The following TPTE2 variants were observed in gnomAD, a reference collection of about 807,000 sequenced individuals.
The protein encoded by TPTE2 is transmembrane phosphoinositide 3-phosphatase and tensin homolog 2.
In TPTE2, 53 loss-of-function variants were observed where a neutral mutation model predicts 78.6. That is an observed-to-expected ratio of 0.67 (90% CI 0.54 to 0.85). TPTE2 has a LOEUF of 0.85. Among genes scored for constraint, TPTE2 ranks in the 40% least tolerant of loss-of-function variants. The probability of loss-of-function intolerance (pLI) is 0.00; values close to 1 mark genes in which losing one functional copy is unlikely to be tolerated. For synonymous variants in TPTE2, 175 were observed against 206.2 expected (o/e 0.85, Z 1.30); for missense variants, 461 against 623.0 (o/e 0.74, Z 2.77).
intron 1 of TPTE2, among the ~76,000 whole-genome samples, chr13:19,513,690 G>T (rs1238904526): frequency 1.3e-5 from 2 of 152,128 alleles, no homozygotes; most frequent in African/African-American, 4.8e-5. Context: ...TCTCTGGAAA[G>T]AAGTCTTTAT....
intron 1 of TPTE2, among the ~76,000 whole-genome samples, chr13:19,496,778 C>A (rs1023203827): frequency 6.6e-6 from 1 of 152,122 alleles, no homozygotes; most frequent in Non-Finnish European, 1.5e-5. Flanking sequence ...TAAGAAGCTG[C>A]GAAATCTCGG....
chr13:19,514,245 C>T (rs1004058890), intron 1 of TPTE2, among the ~76,000 whole-genome samples: 17 of 152,146 alleles, frequency 1.1e-4, no homozygotes, highest in African/African-American at 3.9e-4. Flanking sequence ...CCTCTTCTGA[C>T]CTGATCTTAT....
chr13:19,538,524 T>G (rs1040755214), upstream of TPTE2, among the ~76,000 whole-genome samples: 5 of 150,950 alleles, frequency 3.3e-5, no homozygotes, highest in Admixed American at 2.6e-4. Context: ...CCAGCCTTTT[T>G]TTTTCTTTTT....
intron 1 of TPTE2, among the ~76,000 whole-genome samples, chr13:19,527,554 G>A (rs1297118836): frequency 6.6e-6 from 1 of 152,110 alleles, no homozygotes; most frequent in Non-Finnish European, 1.5e-5. Flanking sequence ...TTGAAAACAT[G>A]CTACATGAGA....
intron 13 of TPTE2, among the ~76,000 whole-genome samples, chr13:19,443,391 T>C (rs572085089): frequency 1.4e-3 from 131 of 92,418 alleles, no homozygotes; most frequent in Non-Finnish European, 2.4e-3. Context: ...TTTTCTTTCT[T>C]TCTTTCTTTT....
At chr13:19,465,537 T>C (rs1422279925) in exon 8 of TPTE2, 1 of 1,603,318 alleles carries the variant, frequency 6.2e-7, no homozygotes. Context: ...GAATAATAAG[T>C]CGTAGAAGTC....
chr13:19,478,774 T>C (rs1234697965), intron 4 of TPTE2, among the ~76,000 whole-genome samples: 2 of 151,998 alleles, frequency 1.3e-5, no homozygotes, highest in Non-Finnish European at 2.9e-5. Context: ...TGTCCAACAA[T>C]GATAGACTGG....
intron 10 of TPTE2, among the ~76,000 whole-genome samples, chr13:19,453,997 G>A (rs1282414245): frequency 2.0e-5 from 3 of 152,110 alleles, no homozygotes; most frequent in Non-Finnish European, 2.9e-5. Context: ...TCTTCTCTCT[G>A]CCTATCTTAG....
At chr13:19,482,212 TA>T (rs368588510) in intron 4 of TPTE2, among the ~76,000 whole-genome samples, 12 of 151,598 alleles carry the variant, frequency 7.9e-5, no homozygotes, top group African/African-American at 2.4e-4. Context: ...TCCTGTTTTT[TA>T]AAAAAAAACT....
intron 14 of TPTE2, among the ~76,000 whole-genome samples, chr13:19,436,708 G>GC (rs762856494): frequency 2.2e-4 from 34 of 152,122 alleles, no homozygotes; most frequent in Non-Finnish European, 4.9e-4. Flanking sequence ...AGCCACCCAT[G>GC]CCCGGCCACA....
chr13:19,503,615 T>A (rs1301931620), upstream of TPTE2, among the ~76,000 whole-genome samples: 2 of 152,208 alleles, frequency 1.3e-5, no homozygotes, highest in African/African-American at 4.8e-5. Context: ...TTCCACTAAA[T>A]GTGCTGCCTT....
At chr13:19,456,040 T>G (rs538710401) in intron 10 of TPTE2, among the ~76,000 whole-genome samples, 16 of 152,162 alleles carry the variant, frequency 1.1e-4, no homozygotes, top group African/African-American at 3.9e-4. Flanking sequence ...TCCTAGATAA[T>G]TCAATAAAGA....
At chr13:19,431,453 T>C (rs531315336) in intron 16 of TPTE2, among the ~76,000 whole-genome samples, 64 of 152,306 alleles carry the variant, frequency 4.2e-4, no homozygotes, top group African/African-American at 1.4e-3. Flanking sequence ...TAATTTTTTA[T>C]TGCTTTCCTC....
chr13:19,480,514 A>G (rs1365340900), intron 4 of TPTE2, among the ~76,000 whole-genome samples: 19 of 152,226 alleles, frequency 1.2e-4, no homozygotes, highest in Admixed American at 1.2e-3. Flanking sequence ...AAAATCACAA[A>G]GAAAGGAACA....
At chr13:19,435,755 GACACACACACACACAC>G (rs60130804) in intron 15 of TPTE2, among the ~76,000 whole-genome samples, 21 of 137,734 alleles carry the variant, frequency 1.5e-4, no homozygotes, top group African/African-American at 5.5e-4. Context: ...ACACAGAAAA[GACACACACACACACAC>G]ACACACACAC....
the TPTE2 span, chr13:19,561,393 C>T: frequency 3.8e-5 from 17 of 451,446 alleles, no homozygotes; most frequent in Admixed American, 3.7e-4. Flanking sequence ...GACGCCGCCA[C>T]CTCCCGGGGC....
chr13:19,437,025 A>G (rs1345641053), intron 14 of TPTE2, among the ~76,000 whole-genome samples: 1 of 116,440 alleles, frequency 8.6e-6, no homozygotes, highest in Non-Finnish European at 1.8e-5. Context: ...AATCCACATT[A>G]ATAAACCTAG....
the TPTE2 span, among the ~76,000 whole-genome samples, chr13:19,541,991 T>C: frequency 6.6e-6 from 1 of 152,166 alleles, no homozygotes; most frequent in African/African-American, 2.4e-5. Flanking sequence ...AAAATACCAA[T>C]CAAATTTCTT....
chr13:19,481,702 G>A (rs1040709823), intron 4 of TPTE2, among the ~76,000 whole-genome samples: 1 of 152,204 alleles, frequency 6.6e-6, no homozygotes, highest in African/African-American at 2.4e-5. Flanking sequence ...CTAATTTGCA[G>A]ACACACAGTT....
Sources: gnomAD v4.1 joint callset for allele counts (sites outside exome capture counted in the v4.1 genomes callset) on GRCh38, gnomAD v4.1.1 for gene constraint, MANE v1.5 for transcripts, NCBI Gene and HGNC (gene_info 2026-07-23, HGNC 2026-07-21) for gene names.